Variants in IL1RAPL2 observed in about 807,000 individuals in gnomAD.
The protein encoded by IL1RAPL2 is X-linked interleukin-1 receptor accessory protein-like 2.
In IL1RAPL2, 3 loss-of-function variants were observed where a neutral mutation model predicts 44.1. That is an observed-to-expected ratio of 0.07 (90% CI 0.03 to 0.18). The LOEUF is 0.18. IL1RAPL2 is among the 10% of genes least tolerant of loss of function. The pLI is 1.00. For synonymous variants in IL1RAPL2, 181 were observed against 178.8 expected (o/e 1.01, Z -0.10); for missense variants, 391 against 496.4 (o/e 0.79, Z 2.02).
intron 2 of IL1RAPL2, among the ~76,000 whole-genome samples, chrX:104,817,343 G>T (rs1383436637): frequency 1.8e-5 from 2 of 112,314 alleles, no homozygotes; most frequent in Non-Finnish European, 3.8e-5. Flanking sequence ...TGGCTTGGGG[G>T]AACATGGGTT....
At chrX:105,188,815 C>A (rs781867432) in intron 2 of IL1RAPL2, among the ~76,000 whole-genome samples, 5 of 112,152 alleles carry the variant, frequency 4.5e-5, no homozygotes, top group Admixed American at 9.5e-5. Context: ...TATTGATGGA[C>A]AATGATGCAC....
At chrX:105,604,981 A>T (rs1308082786) in intron 6 of IL1RAPL2, among the ~76,000 whole-genome samples, 1 of 111,004 alleles carries the variant, frequency 9.0e-6, no homozygotes, top group Non-Finnish European at 1.9e-5. Flanking sequence ...CATAGAAAGA[A>T]TGCACCTCAA....
Position 105,717,422 on chromosome X carries a change from G to A in IL1RAPL2, c.828G>A (p.Gly276=), listed in dbSNP as rs2038266115. 1 of 1,203,465 alleles carries A rather than the reference G, an allele frequency of 8.3e-7. No homozygotes were observed. The highest frequency in any genetic ancestry group is 1.1e-6 in the Non-Finnish European group (1 of 889,319). ...KAFFGFSGES[G]PMIYWMKGEK... ...TCTTCGGATTCAGTGGAGAGTCTGG[G>A]CCAATGATCTACTGGATGAAAGGAG... Residue 276 remains glycine, a synonymous_variant, in exon 7 of 11, where the codon GGG becomes GGA. Transcript: ENST00000372582.
At chrX:104,875,924 T>A (rs188904777) in intron 2 of IL1RAPL2, among the ~76,000 whole-genome samples, 2 of 111,138 alleles carry the variant, frequency 1.8e-5, no homozygotes, top group East Asian at 5.7e-4. Context: ...GTCTTGTTAC[T>A]ATTTTTTTTT....
At chrX:105,413,997 T>C (rs1351064298) in intron 5 of IL1RAPL2, among the ~76,000 whole-genome samples, 9 of 112,735 alleles carry the variant, frequency 8.0e-5, no homozygotes, top group Non-Finnish European at 9.4e-5. Context: ...TAAAATACAA[T>C]ACTAAAATTT....
intron 1 of IL1RAPL2, among the ~76,000 whole-genome samples, chrX:104,621,114 A>G (rs1273343607): frequency 3.8e-5 from 4 of 105,673 alleles, no homozygotes; most frequent in Non-Finnish European, 7.7e-5. Flanking sequence ...ATTAGATGTA[A>G]CATATATTAC....
intron 2 of IL1RAPL2, among the ~76,000 whole-genome samples, chrX:104,687,752 C>A (rs185428629): frequency 9.0e-6 from 1 of 111,034 alleles, no homozygotes; most frequent in South Asian, 3.8e-4. Flanking sequence ...AATCTTAAAA[C>A]AACTTATAAG....
At chrX:104,631,388 G>A (rs1192706726) in intron 1 of IL1RAPL2, among the ~76,000 whole-genome samples, 1 of 111,780 alleles carries the variant, frequency 8.9e-6, no homozygotes, top group Non-Finnish European at 1.9e-5. Flanking sequence ...GATATTTCTA[G>A]TTCTAGATAC....
At chrX:104,634,925 T>C (rs1291629394) in intron 1 of IL1RAPL2, among the ~76,000 whole-genome samples, 2 of 111,730 alleles carry the variant, frequency 1.8e-5, no homozygotes, top group Non-Finnish European at 3.8e-5. Context: ...TTGATGCAGT[T>C]CCTTCCTAGC....
At chrX:105,487,248 A>G (rs1401125633) in intron 6 of IL1RAPL2, among the ~76,000 whole-genome samples, 1 of 111,468 alleles carries the variant, frequency 9.0e-6, no homozygotes, top group East Asian at 2.8e-4. Flanking sequence ...CAAAGCAAGG[A>G]GAAGGACCAT....
chrX:105,230,096 C>T (rs899594380), intron 3 of IL1RAPL2, among the ~76,000 whole-genome samples: 1 of 112,302 alleles, frequency 8.9e-6, no homozygotes, highest in Non-Finnish European at 1.9e-5. Flanking sequence ...CATGCCCGGC[C>T]AGAAGTAAAC....
At chrX:105,286,214 A>G (rs1376364383) in intron 5 of IL1RAPL2, among the ~76,000 whole-genome samples, 2 of 111,089 alleles carry the variant, frequency 1.8e-5, no homozygotes, top group African/African-American at 3.3e-5. Context: ...AGTCAGAAAG[A>G]CATGGTTTCA....
At chrX:105,357,305 A>G (rs1245001307) in intron 5 of IL1RAPL2, among the ~76,000 whole-genome samples, 1 of 111,971 alleles carries the variant, frequency 8.9e-6, no homozygotes, top group Non-Finnish European at 1.9e-5. Context: ...CGTAGAGGGT[A>G]GTTATCATTG....
At chrX:105,322,223 A>G (rs186429566) in intron 5 of IL1RAPL2, among the ~76,000 whole-genome samples, 3 of 112,604 alleles carry the variant, frequency 2.7e-5, no homozygotes, top group Non-Finnish European at 3.7e-5. Flanking sequence ...CTGCTATACA[A>G]TATTGTCTGG....
At chrX:104,632,940 C>T (rs1478923877) in intron 1 of IL1RAPL2, among the ~76,000 whole-genome samples, 1 of 111,480 alleles carries the variant, frequency 9.0e-6, no homozygotes, top group Non-Finnish European at 1.9e-5. Context: ...GGAATGCTTC[C>T]AGTTTTTGCC....
intron 5 of IL1RAPL2, among the ~76,000 whole-genome samples, chrX:105,409,845 T>TAGATAGACAGAC (rs757454072): frequency 3.5e-5 from 3 of 85,953 alleles, no homozygotes; most frequent in Non-Finnish European, 4.7e-5. Context: ...GATAGATAGA[T>TAGATAGACAGAC]AGACAGACAG....
intron 5 of IL1RAPL2, among the ~76,000 whole-genome samples, chrX:105,396,803 G>C (rs1456937893): frequency 9.1e-6 from 1 of 110,236 alleles, no homozygotes; most frequent in East Asian, 2.9e-4. Context: ...GAATGCCGTA[G>C]ATAGGTCAAG....
chrX:105,227,419 A>G (rs1461761076), intron 3 of IL1RAPL2, among the ~76,000 whole-genome samples: 1 of 111,906 alleles, frequency 8.9e-6, no homozygotes, highest in African/African-American at 3.2e-5. Flanking sequence ...AAACAATAAA[A>G]CAAAAATCCC....
At chrX:105,525,367 AT>A (rs1360751697) in intron 6 of IL1RAPL2, among the ~76,000 whole-genome samples, 3 of 111,306 alleles carry the variant, frequency 2.7e-5, no homozygotes, top group Non-Finnish European at 5.7e-5. Context: ...TAAAAAAAAA[AT>A]CTAACCTTTT....
Sources: allele counts gnomAD v4.1 joint callset (sites outside exome capture counted in the v4.1 genomes callset), GRCh38; gene constraint gnomAD v4.1.1; transcripts MANE v1.5; gene names NCBI Gene and HGNC (gene_info 2026-07-23, HGNC 2026-07-21).